The following C19orf25 variants were observed in gnomAD, a reference collection of about 807,000 sequenced individuals.
C19orf25 encodes chromosome 19 open reading frame 25.
A neutral mutation model predicts 3.1 loss-of-function variants in C19orf25; 1 was observed. The ratio of observed to expected loss-of-function variants is 0.32; its 90% CI spans 0.12 to 1.54. C19orf25 has a LOEUF of 1.54. Ranked by LOEUF, C19orf25 falls within the 40% of genes most tolerant of loss-of-function variation. The pLI, the probability that C19orf25 is intolerant of heterozygous loss-of-function variation, is 0.38. For missense variants in C19orf25, 196 were observed against 160.4 expected (o/e 1.22, Z -1.20); for synonymous variants, 91 against 74.3 (o/e 1.23, Z -1.16).
At position 1,475,143 on chromosome 19, in the gene C19orf25, C is replaced by A; in HGVS notation, c.246G>T (p.Val82=). ...GCAGGAGCTCACACCTCTGCCTCAGCACGTTGCCCGCCTGCTGCAGCCGCT... is the reference window on the plus strand; with the variant it reads ...GCAGGAGCTCACACCTCTGCCTCAGAACGTTGCCCGCCTGCTGCAGCCGCT... ...ANQRLQQAGN[V]LRQRCELLQR... The change falls in exon 3 of 3, where the codon GTG becomes GTT. Residue 82 remains valine, a synonymous_variant. Coordinates refer to ENST00000585675, the MANE Select transcript of C19orf25 (RefSeq NM_152482.3). 1 of 1,594,176 alleles carries A rather than the reference C, an allele frequency of 6.3e-7. No individual in the cohort carries two copies. Among genetic ancestry groups the A allele is most frequent in the East Asian group, 2.3e-5 (1 of 43,684 alleles).
chr19:1,475,482 A>G lies in C19orf25; in HGVS notation c.131-224T>C, dbSNP rs1180487802. The G allele has an allele frequency of 1.8e-5, 10 of 546,832 alleles. No homozygotes were observed. The South Asian group carries it at 2.3e-4, about 12-fold the overall frequency. The allele number at this position is 546,832 out of a possible 1,614,324, so 33.9% of individuals were successfully genotyped here. A position where few individuals can be genotyped will look rare whatever the true frequency, so the allele number is the denominator to read the frequency against. ...GAACACTTGAGCCCAAGAGTTAGAG[A>G]CCAGCCTGGACAACATAGTGACACC... On this transcript the variant is annotated intron_variant, in intron 2 of 2. Coordinates refer to ENST00000585675, the MANE Select transcript of C19orf25 (RefSeq NM_152482.3).
At chr19:1,478,134 C>G (rs949640876) in intron 2 of C19orf25, among the ~76,000 whole-genome samples, 4 of 152,146 alleles carry the variant, frequency 2.6e-5, no homozygotes, top group Admixed American at 2.0e-4. Context: ...GCCACCGCAC[C>G]GGCCACTTAT....
At position 1,474,172 on chromosome 19, in the gene C19orf25, GAC is replaced by G. The variant is rs1203992445; in HGVS notation, c.*858_*859del. On this transcript the variant is annotated 3_prime_UTR_variant, in exon 3 of 3. Transcript: ENST00000585675. Reference sequence around the variant, plus strand: ...CACAGAGGCACCATTCAGACGGCCAGACACACACGAAAGCTTTATGTGCAGGG... The same window carrying G: ...CACAGAGGCACCATTCAGACGGCCAGACACACGAAAGCTTTATGTGCAGGG... The G allele has an allele frequency of 2.6e-5, 4 of 152,328 alleles. No homozygotes were observed. The South Asian group carries it at 6.2e-4, about 24-fold the overall frequency. The allele number at this position is 152,328 out of a possible 1,614,324, so 9.4% of individuals were successfully genotyped here. A position where few individuals can be genotyped will look rare whatever the true frequency, so the allele number is the denominator to read the frequency against.
At chr19:1,475,398 G>A (rs1473673148) in intron 2 of C19orf25, 140 bp from the exon 3 acceptor site, 20 of 829,444 alleles carry the variant, frequency 2.4e-5, no homozygotes, top group South Asian at 1.5e-4. Flanking sequence ...CATGACGGAT[G>A]CAGCCAGGTG....
In C19orf25 at chr19:1,479,201, G is replaced by A. The variant is rs1294131970; in HGVS notation, c.-41C>T. On this transcript the variant is annotated 5_prime_UTR_variant, in exon 1 of 3. Transcript: ENST00000585675. ...CCGAAAGCCCAGCGTCGACGACGCAGCCACTTCCGATTCCGGTCGGAGCAC... is the reference window on the plus strand; with the variant it reads ...CCGAAAGCCCAGCGTCGACGACGCAACCACTTCCGATTCCGGTCGGAGCAC... 3 of 1,254,724 alleles carry A rather than the reference G, an allele frequency of 2.4e-6. No individual in the cohort carries two copies. The highest frequency in any genetic ancestry group is 1.6e-5 in the African/African-American group (1 of 63,764). 77.7% of individuals were successfully genotyped at this position (1,254,724 alleles called of 1,614,324 possible).
At position 1,474,436 on chromosome 19, in the gene C19orf25, G is replaced by A. The variant is rs2084182098; in HGVS notation, c.*596C>T. 1.2e-5 allele frequency: 2 copies of A among 171,068 alleles called. No individual in the cohort carries two copies. Among genetic ancestry groups the A allele is most frequent in the Non-Finnish European group, 2.5e-5 (2 of 80,686 alleles). The allele number at this position is 171,068 out of a possible 1,614,324, so 10.6% of individuals were successfully genotyped here. On this transcript the variant is annotated 3_prime_UTR_variant, in exon 3 of 3. Transcript: ENST00000585675. ...CAAGGGCAGTGGCTGGGAGACACCC[G>A]TGCCGTGGAGCTAGGCCCAGCCTGG...
At position 1,479,191 on chromosome 19, in the gene C19orf25, C is replaced by A; in HGVS notation, c.-31G>T. 7.9e-7 allele frequency: 1 copy of A among 1,266,030 alleles called. No individual in the cohort carries two copies. The highest frequency in any genetic ancestry group is 9.9e-7 in the Non-Finnish European group (1 of 1,005,630). 78.4% of individuals were successfully genotyped at this position (1,266,030 alleles called of 1,614,324 possible). ...GGCGCGGGACCCGAAAGCCCAGCGT[C>A]GACGACGCAGCCACTTCCGATTCCG... is the stretch of plus-strand genomic sequence containing the variant. On this transcript the variant is annotated 5_prime_UTR_variant, in exon 1 of 3. Transcript: ENST00000585675.
chr19:1,474,874 G>A lies in C19orf25; in HGVS notation c.*158C>T, dbSNP rs114635732. The stretch of plus-strand genomic sequence containing the variant: ...CCCACCAACTCGGCATGAATGAGAC[G>A]ACGGATGAACCGCAGCCCCAGCATC... On this transcript the variant is annotated 3_prime_UTR_variant, in exon 3 of 3. Coordinates refer to ENST00000585675, the MANE Select transcript of C19orf25 (RefSeq NM_152482.3). The A allele has an allele frequency of 1.1e-3, 1,591 of 1,495,434 alleles. 18 individuals carry two copies. The African/African-American group carries it at 0.02, about 18-fold the overall frequency. 92.6% of individuals were successfully genotyped at this position (1,495,434 alleles called of 1,614,324 possible).
rs554372416 is a variant in C19orf25, at chr19:1,473,342, C to G, written c.*1690G>C. ...ATTGCTGAGACCCCCCAGGTTAGATCCCTGGAAGCAGAGCCAGAAAGCAGA... is the reference window on the plus strand; with the variant it reads ...ATTGCTGAGACCCCCCAGGTTAGATGCCTGGAAGCAGAGCCAGAAAGCAGA... On this transcript the variant is annotated 3_prime_UTR_variant, in exon 3 of 3. Transcript: ENST00000585675. 6.6e-6 allele frequency: 1 copy of G among 152,394 alleles called. No individual in the cohort carries two copies. Among genetic ancestry groups the G allele is most frequent in the African/African-American group, 2.4e-5 (1 of 41,578 alleles). 9.4% of individuals were successfully genotyped at this position (152,394 alleles called of 1,614,324 possible).
In C19orf25 at chr19:1,473,555, G is replaced by A. The variant is rs2084171681; in HGVS notation, c.*1477C>T. 2 of 152,354 alleles carry A rather than the reference G, an allele frequency of 1.3e-5. No homozygotes were observed. Among genetic ancestry groups the A allele is most frequent in the African/African-American group, 4.8e-5 (2 of 41,470 alleles). The allele number at this position is 152,354 out of a possible 1,614,324, so 9.4% of individuals were successfully genotyped here. ...TTATGGCAGGCCCCAGTGTGGGGCAGGAGGCACCCATGAGCCACTAGGAGC... is the reference window on the plus strand; with the variant it reads ...TTATGGCAGGCCCCAGTGTGGGGCAAGAGGCACCCATGAGCCACTAGGAGC... On this transcript the variant is annotated 3_prime_UTR_variant, in exon 3 of 3. Coordinates refer to ENST00000585675, the MANE Select transcript of C19orf25 (RefSeq NM_152482.3).
At position 1,477,517 on chromosome 19, in the gene C19orf25, C is replaced by T. The variant is rs562820215; in HGVS notation, c.130+1257G>A. On this transcript the variant is annotated intron_variant, in intron 2 of 2. Transcript: ENST00000585675. ...GAATCCTTTGGTCTCTGACTAGCTT[C>T]CACCTCGTAAATCAGGAGTGGACAA... Among the ~76,000 whole-genome samples, 3 of 152,346 alleles carry T rather than the reference C, an allele frequency of 2.0e-5. No individual in the cohort carries two copies. In the South Asian group the frequency reaches 6.2e-4, roughly 32 times the overall value.
rs1432586161 is a variant in C19orf25, at chr19:1,473,721, G to C, written c.*1311C>G. 1 of 152,564 alleles carries C rather than the reference G, an allele frequency of 6.6e-6. No individual in the cohort carries two copies. Among genetic ancestry groups the C allele is most frequent in the Non-Finnish European group, 1.5e-5 (1 of 68,312 alleles). 9.5% of individuals were successfully genotyped at this position (152,564 alleles called of 1,614,324 possible). A position where few individuals can be genotyped will look rare whatever the true frequency, so the allele number is the denominator to read the frequency against. The stretch of plus-strand genomic sequence containing the variant: ...AGCACAGCCCTGGCCCAGCTGGGGG[G>C]ACAAGGAAAGCTATGACTGCAAGCA... On this transcript the variant is annotated 3_prime_UTR_variant, in exon 3 of 3. Transcript: ENST00000585675.
Position 1,475,358 on chromosome 19 carries a change from G to A in C19orf25, c.131-100C>T, listed in dbSNP as rs1299588685. On this transcript the variant is annotated intron_variant, in intron 2 of 2. Transcript: ENST00000585675. ...AAGGGCAGGGTTCCCTGCAGTCCCC[G>A]AGTGAGCTTGCCAGCCGGGGTCTTC... The A allele has an allele frequency of 4.3e-5, 53 of 1,227,954 alleles. No individual in the cohort carries two copies. In the African/African-American group the frequency reaches 4.7e-4, roughly 11 times the overall value. 76.1% of individuals were successfully genotyped at this position (1,227,954 alleles called of 1,614,324 possible).
At chr19:1,478,134 C>T (rs949640876) in intron 2 of C19orf25, among the ~76,000 whole-genome samples, 1 of 152,146 alleles carries the variant, frequency 6.6e-6, no homozygotes, top group African/African-American at 2.4e-5. Flanking sequence ...GCCACCGCAC[C>T]GGCCACTTAT....
intron 2 of C19orf25, chr19:1,475,649 AC>A (rs1172342829): frequency 5.0e-6 from 1 of 199,806 alleles, no homozygotes; most frequent in Admixed American, 5.4e-5. Flanking sequence ...TGATCGTGCC[AC>A]GGTACTCCAG....
chr19:1,478,727 T>A (rs747290740), intron 2 of C19orf25, 47 bp downstream of exon 2: 2 of 1,537,128 alleles, frequency 1.3e-6, no homozygotes, highest in South Asian at 2.4e-5. Context: ...GTCCCCTTGC[T>A]GCCGGGGTCT....
At chr19:1,477,156 T>C (rs1321523732) in intron 2 of C19orf25, among the ~76,000 whole-genome samples, 4 of 152,156 alleles carry the variant, frequency 2.6e-5, no homozygotes, top group Non-Finnish European at 5.9e-5. Context: ...TGCGCCACCA[T>C]GCCCAGCTAA....
At chr19:1,475,532 T>G in intron 2 of C19orf25, 1 of 416,750 alleles carries the variant, frequency 2.4e-6, no homozygotes, top group East Asian at 3.9e-5. Flanking sequence ...AAAATACAAA[T>G]ACAAAAATTA....
In C19orf25 at chr19:1,474,516, A is replaced by G; in HGVS notation, c.*516T>C. ...ACCCCAGCGGCCCAGGGTCGTTGTG[A>G]AGATCAACGTGGCTTGTGGGAGGAG... On this transcript the variant is annotated 3_prime_UTR_variant, in exon 3 of 3. Coordinates refer to ENST00000585675, the MANE Select transcript of C19orf25 (RefSeq NM_152482.3). 3.4e-6 allele frequency: 1 copy of G among 295,288 alleles called. No homozygotes were observed. The highest frequency in any genetic ancestry group is 6.3e-6 in the Non-Finnish European group (1 of 158,268). The allele number at this position is 295,288 out of a possible 1,614,324, so 18.3% of individuals were successfully genotyped here.
Sources: gnomAD v4.1 joint callset for allele counts (sites outside exome capture counted in the v4.1 genomes callset) on GRCh38, gnomAD v4.1.1 for gene constraint, MANE v1.5 for transcripts, NCBI Gene and HGNC (gene_info 2026-07-23, HGNC 2026-07-21) for gene names.